The following CPNE4 variants were observed in gnomAD, a reference collection of about 807,000 sequenced individuals.
The protein encoded by CPNE4 is copine-4.
Under a neutral mutation model 67.9 loss-of-function variants are expected in CPNE4, and 25 were observed. The ratio of observed to expected loss-of-function variants is 0.37; its 90% CI spans 0.27 to 0.51. The LOEUF (loss-of-function observed/expected upper bound fraction) is 0.51. CPNE4 is among the 20% of genes least tolerant of loss of function. The pLI is 0.93. For synonymous variants in CPNE4, 242 were observed against 244.9 expected (o/e 0.99, Z 0.11); for missense variants, 464 against 690.8 (o/e 0.67, Z 3.68).
At chr3:131,697,702 T>C (rs971858167) in intron 4 of CPNE4, among the ~76,000 whole-genome samples, 3 of 152,214 alleles carry the variant, frequency 2.0e-5, no homozygotes, top group Non-Finnish European at 4.4e-5. Flanking sequence ...CATATTTGTA[T>C]TTTTCATTTG....
rs368279048 is a variant in CPNE4, at chr3:131,873,428, C to T, written c.180+31836G>A. On this transcript the variant is annotated intron_variant, in intron 2 of 15. Transcript: ENST00000429747. Reference sequence around the variant, plus strand: ...CCAGAGAAACCTGAATTACTTCCCTCCCTCTTCTTAGATTTGATTACTTAT... The same window carrying T: ...CCAGAGAAACCTGAATTACTTCCCTTCCTCTTCTTAGATTTGATTACTTAT... Among the ~76,000 whole-genome samples the T allele has an allele frequency of 3.5e-4, 54 of 152,280 alleles. 2 individuals carry two copies. The South Asian group carries it at 0.011, about 31-fold the overall frequency.
rs117571610 is a variant in CPNE4, at chr3:131,982,155, C to T, written c.-2+52412G>A. Among the ~76,000 whole-genome samples, 223 of 152,282 alleles carry T rather than the reference C, an allele frequency of 1.5e-3. 7 individuals are homozygous for T. The highest frequency in any genetic ancestry group is 9.8e-3 in the East Asian group (51 of 5,182). Reference sequence around the variant, plus strand: ...AGGTCCACTGTATGATCACTGAAAGCTCTGGAACCTTGCTAAATCTACATT... The same window carrying T: ...AGGTCCACTGTATGATCACTGAAAGTTCTGGAACCTTGCTAAATCTACATT... On this transcript the variant is annotated intron_variant, in intron 1 of 15. Transcript: ENST00000429747.
At chr3:131,697,461 T>C (rs938362620) in intron 4 of CPNE4, among the ~76,000 whole-genome samples, 1 of 152,220 alleles carries the variant, frequency 6.6e-6, no homozygotes, top group Non-Finnish European at 1.5e-5. Context: ...TTTTACCTCT[T>C]TTCTATCTGA....
chr3:131,745,215 T>C (rs993293713), intron 2 of CPNE4, among the ~76,000 whole-genome samples: 2 of 152,172 alleles, frequency 1.3e-5, no homozygotes, highest in East Asian at 3.8e-4. Flanking sequence ...TGTACTTACT[T>C]GCTGTCTTAT....
chr3:131,884,778 A>G (rs1262387622), intron 2 of CPNE4, among the ~76,000 whole-genome samples: 3 of 152,120 alleles, frequency 2.0e-5, no homozygotes, highest in Non-Finnish European at 4.4e-5. Context: ...CCGCTTTTGC[A>G]TATTCCTTTC....
rs998226784 is a variant in CPNE4 at position 131,986,867 on chromosome 3, C to A, written c.-2+47700G>T. Among the ~76,000 whole-genome samples the A allele has an allele frequency of 1.9e-3, 252 of 134,636 alleles. 1 individual carries two copies. The highest frequency in any genetic ancestry group is 6.0e-3 in the African/African-American group (216 of 35,822). The allele number at this position is 134,636 out of a possible 152,430, so 88.3% of individuals were successfully genotyped here. On this transcript the variant is annotated intron_variant, in intron 1 of 15. Coordinates refer to ENST00000429747, the MANE Select transcript of CPNE4 (RefSeq NM_130808.3). The stretch of plus-strand genomic sequence containing the variant: ...ACAAAAAAAAACAAAAACAAACAAA[C>A]AAAAAAAAAAAAACAAAGAACTTAA...
At chr3:131,680,000 T>A (rs2080698973) in intron 6 of CPNE4, among the ~76,000 whole-genome samples, 1 of 152,154 alleles carries the variant, frequency 6.6e-6, no homozygotes, top group African/African-American at 2.4e-5. Context: ...TCTGTCTTGA[T>A]AATTTGTTAA....
rs115191289 is a variant in CPNE4, at chr3:131,724,656, C to G, written c.181-1031G>C. On this transcript the variant is annotated intron_variant, in intron 2 of 15. Transcript: ENST00000429747. ...AGCAGACTTCCTTCTGCACAGGGAG[C>G]TTTTGCTGGGATTTGGTAACATAGT... Among the ~76,000 whole-genome samples the G allele has an allele frequency of 5.2e-3, 794 of 152,176 alleles. 8 individuals are homozygous for G. Among genetic ancestry groups the G allele is most frequent in the African/African-American group, 0.019 (772 of 41,508 alleles).
intron 2 of CPNE4, among the ~76,000 whole-genome samples, chr3:131,774,532 A>G (rs1308032906): frequency 6.6e-6 from 1 of 152,160 alleles, no homozygotes; most frequent in Non-Finnish European, 1.5e-5. Flanking sequence ...AAATAGTTGC[A>G]TAATCTGTTA....
chr3:131,704,879 C>A (rs2081381404), intron 3 of CPNE4, among the ~76,000 whole-genome samples: 1 of 132,876 alleles, frequency 7.5e-6, no homozygotes, highest in African/African-American at 3.5e-5. Flanking sequence ...AAGCTGTAAC[C>A]CCCAGAGTCA....
chr3:131,803,006 T>G (rs1287601049), intron 2 of CPNE4, among the ~76,000 whole-genome samples: 2 of 152,132 alleles, frequency 1.3e-5, no homozygotes, highest in African/African-American at 4.8e-5. Context: ...TTAGAAAATT[T>G]TAAGGTTAGT....
intron 1 of CPNE4, among the ~76,000 whole-genome samples, chr3:132,030,512 C>G (rs950013820): frequency 6.6e-6 from 1 of 152,204 alleles, no homozygotes; most frequent in Non-Finnish European, 1.5e-5. Flanking sequence ...ATGGGCTCCC[C>G]TTCCAGCCCT....
chr3:131,895,581 A>C (rs562955610), intron 2 of CPNE4, among the ~76,000 whole-genome samples: 1 of 151,990 alleles, frequency 6.6e-6, no homozygotes, highest in Non-Finnish European at 1.5e-5. Flanking sequence ...GTTTTTCATA[A>C]ACTGAATATG....
intron 2 of CPNE4, among the ~76,000 whole-genome samples, chr3:131,750,254 G>A (rs2082592539): frequency 6.6e-6 from 1 of 152,104 alleles, no homozygotes; most frequent in Admixed American, 6.5e-5. Context: ...ACTGGGTAGT[G>A]TTTATTAATC....
chr3:131,756,885 A>G (rs377283510), intron 2 of CPNE4, among the ~76,000 whole-genome samples: 3 of 152,162 alleles, frequency 2.0e-5, no homozygotes, highest in African/African-American at 7.2e-5. Context: ...GTGATAGTGA[A>G]TAAGTCTCAA....
chr3:131,767,281 G>GTGTGTA (rs753384657), intron 2 of CPNE4, among the ~76,000 whole-genome samples: 92 of 149,390 alleles, frequency 6.2e-4, no homozygotes, highest in African/African-American at 2.1e-3. Flanking sequence ...GTGTGTGTGT[G>GTGTGTA]TACTGTATTT....
intron 9 of CPNE4, 62 bp downstream of exon 9, chr3:131,581,517 T>C: frequency 9.0e-7 from 1 of 1,107,172 alleles, no homozygotes. Flanking sequence ...CCACACCACC[T>C]GAACTCTTCC....
chr3:131,877,326 A>G (rs924706336), intron 2 of CPNE4, among the ~76,000 whole-genome samples: 2 of 152,218 alleles, frequency 1.3e-5, no homozygotes, highest in African/African-American at 4.8e-5. Context: ...CATGAACACA[A>G]AAATGCAGAA....
chr3:132,027,387 T>C (rs959817410), intron 1 of CPNE4, among the ~76,000 whole-genome samples: 11 of 152,218 alleles, frequency 7.2e-5, no homozygotes, highest in African/African-American at 2.7e-4. Context: ...AGTTCTCACA[T>C]TCTCTTATTC....
Sources: gnomAD v4.1 joint callset for allele counts (sites outside exome capture counted in the v4.1 genomes callset) on GRCh38, gnomAD v4.1.1 for gene constraint, MANE v1.5 for transcripts, NCBI Gene and HGNC (gene_info 2026-07-23, HGNC 2026-07-21) for gene names.